ARFGEF3: variants seen among roughly 807,000 people sequenced by gnomAD.
ARFGEF3 encodes brefeldin A-inhibited guanine nucleotide-exchange protein 3.
ARFGEF3 carries 96 observed loss-of-function variants against 221.7 expected under a neutral mutation model. That is an observed-to-expected ratio of 0.43 (90% CI 0.37 to 0.51). ARFGEF3 has a LOEUF of 0.51. Ranked by LOEUF, ARFGEF3 falls within the 20% of genes least tolerant of loss-of-function variation. The pLI is 0.00. For missense variants in ARFGEF3, 2,410 were observed against 2,789.9 expected (o/e 0.86, Z 3.07); for synonymous variants, 1,145 against 1,126.8 (o/e 1.02, Z -0.32).
chr6:138,257,010 G>A (rs1421279978), intron 10 of ARFGEF3, among the ~76,000 whole-genome samples: 2 of 152,104 alleles, frequency 1.3e-5, no homozygotes, highest in African/African-American at 4.8e-5. Context: ...CTGAGCTCAA[G>A]CAATCCGCCC....
At chr6:138,258,627 T>C (rs544997937) in intron 10 of ARFGEF3, among the ~76,000 whole-genome samples, 7 of 152,370 alleles carry the variant, frequency 4.6e-5, no homozygotes, top group African/African-American at 1.7e-4. Context: ...CACAATAGAA[T>C]GGGGAACAAG....
intron 2 of ARFGEF3, among the ~76,000 whole-genome samples, chr6:138,172,536 G>A (rs980204064): frequency 1.3e-5 from 2 of 152,118 alleles, no homozygotes; most frequent in Non-Finnish European, 1.5e-5. Context: ...TATAAGGACC[G>A]GGAAACATAT....
At position 138,253,828 on chromosome 6, in the gene ARFGEF3, T is replaced by C. The variant is rs574374601; in HGVS notation, c.666-52T>C. On this transcript the variant is annotated intron_variant, in intron 8 of 33. Coordinates refer to ENST00000251691, the MANE Select transcript of ARFGEF3 (RefSeq NM_020340.5). ...AGCGTGTTTCCACACATCACCTCTTTAATTTTGCCTTGTCTTTTGTCTGCA... is the reference window on the plus strand; with the variant it reads ...AGCGTGTTTCCACACATCACCTCTTCAATTTTGCCTTGTCTTTTGTCTGCA... 23 of 1,420,526 alleles carry C rather than the reference T, an allele frequency of 1.6e-5. No homozygotes were observed. The African/African-American group carries it at 3.0e-4, about 18-fold the overall frequency. The allele number at this position is 1,420,526 out of a possible 1,614,324, so 88.0% of individuals were successfully genotyped here. A position where few individuals can be genotyped will look rare whatever the true frequency, so the allele number is the denominator to read the frequency against.
At chr6:138,269,235 C>G (rs1778951305) in intron 12 of ARFGEF3, among the ~76,000 whole-genome samples, 1 of 152,270 alleles carries the variant, frequency 6.6e-6, no homozygotes. Flanking sequence ...CTCTGCCTCA[C>G]CGCTTCTTCC....
In ARFGEF3 at chr6:138,265,528, T is replaced by G. The variant is rs184079187; in HGVS notation, c.2128+1917T>G. Among the ~76,000 whole-genome samples the G allele has an allele frequency of 2.0e-5, 3 of 152,176 alleles. No homozygotes were observed. In the South Asian group the frequency reaches 6.2e-4, roughly 31 times the overall value. ...GAAAATGTATACTCTTCCTAAAAAA[T>G]TATTTTTCTCCCTAAGATCTTTTAT... On this transcript the variant is annotated intron_variant, in intron 12 of 33. Transcript: ENST00000251691.
chr6:138,236,999 C>T (rs1583025941), intron 5 of ARFGEF3, among the ~76,000 whole-genome samples: 2 of 145,936 alleles, frequency 1.4e-5, no homozygotes, highest in Non-Finnish European at 1.5e-5. Context: ...AGAAGACTGC[C>T]TTTTTTTTTT....
chr6:138,254,918 G>A (rs2114576582), intron 9 of ARFGEF3, among the ~76,000 whole-genome samples: 1 of 152,182 alleles, frequency 6.6e-6, no homozygotes, highest in African/African-American at 2.4e-5. Context: ...TTATGCAGGG[G>A]GCAAGAGATA....
At chr6:138,220,411 A>G (rs117445635) in intron 4 of ARFGEF3, among the ~76,000 whole-genome samples, 1 of 152,148 alleles carries the variant, frequency 6.6e-6, no homozygotes, top group African/African-American at 2.4e-5. Flanking sequence ...CATAATTAAG[A>G]ATTTTTTATT....
intron 1 of ARFGEF3, among the ~76,000 whole-genome samples, chr6:138,166,071 G>A (rs1776716912): frequency 6.6e-6 from 1 of 152,196 alleles, no homozygotes; most frequent in African/African-American, 2.4e-5. Context: ...AAAAGCCAGG[G>A]GAATGGATAC....
intron 4 of ARFGEF3, chr6:138,218,020 A>G (rs1274756699): frequency 8.7e-6 from 14 of 1,612,516 alleles, no homozygotes; most frequent in Non-Finnish European, 1.1e-5. Flanking sequence ...GTTTTGGATA[A>G]GTAGAGAAGA....
intron 2 of ARFGEF3, among the ~76,000 whole-genome samples, chr6:138,205,282 A>AG (rs1399432566): frequency 6.6e-6 from 1 of 152,104 alleles, no homozygotes; most frequent in African/African-American, 2.4e-5. Flanking sequence ...CTGGGCTATT[A>AG]GGCTGTAAGA....
At chr6:138,255,790 G>A (rs759029007) in intron 10 of ARFGEF3, 21 bp downstream of exon 10, 97 of 1,490,816 alleles carry the variant, frequency 6.5e-5, no homozygotes, top group South Asian at 8.1e-5. Context: ...ACTGGAGATC[G>A]CCACCAGGTT....
At chr6:138,233,938 T>C (rs1778239786) in intron 5 of ARFGEF3, among the ~76,000 whole-genome samples, 2 of 152,086 alleles carry the variant, frequency 1.3e-5, no homozygotes, top group Non-Finnish European at 2.9e-5. Flanking sequence ...AGTGAGGAAA[T>C]TGCAGTTCAA....
At chr6:138,302,608 G>A (rs542739717) in intron 22 of ARFGEF3, among the ~76,000 whole-genome samples, 14 of 152,138 alleles carry the variant, frequency 9.2e-5, no homozygotes, top group African/African-American at 3.4e-4. Context: ...CAAAATGCTC[G>A]ATGACAATGA....
chr6:138,217,454 A>G (rs1777891722), intron 4 of ARFGEF3: 2 of 152,516 alleles, frequency 1.3e-5, no homozygotes, highest in African/African-American at 4.8e-5. Context: ...GAGGCCAATG[A>G]TAGAGTCAGA....
Position 138,328,065 on chromosome 6 carries a change from C to T in ARFGEF3, c.5046C>T (p.Asn1682=). The T allele has an allele frequency of 6.4e-7, 1 of 1,560,154 alleles. No homozygotes were observed. The highest frequency in any genetic ancestry group is 8.7e-7 in the Non-Finnish European group (1 of 1,150,996). Residue 1682 remains asparagine (N), a synonymous_variant, in exon 32 of 34, where the codon AAC becomes AAT. Transcript: ENST00000251691. The part of the protein sequence containing the change: ...DTQCSPKTPN[N]FDHAQSCQLI... ...AGTGCTCACCAAAGACACCAAACAA[C>T]TTTGACCACGCTCAGTCCTGCCAGC...
intron 4 of ARFGEF3, among the ~76,000 whole-genome samples, chr6:138,223,667 G>T (rs921329354): frequency 1.3e-5 from 2 of 152,144 alleles, no homozygotes; most frequent in African/African-American, 4.8e-5. Context: ...ATAGGGGTAG[G>T]TTGACTCCCC....
intron 4 of ARFGEF3, chr6:138,217,238 C>G (rs925772108): frequency 2.6e-5 from 4 of 152,192 alleles, no homozygotes; most frequent in African/African-American, 4.8e-5. Context: ...CTCACATAAT[C>G]TTAATTTAAG....
chr6:138,209,674 C>T (rs571026132), intron 3 of ARFGEF3, among the ~76,000 whole-genome samples: 2 of 152,194 alleles, frequency 1.3e-5, no homozygotes, highest in African/African-American at 4.8e-5. Flanking sequence ...GATCTCCAAC[C>T]CCTGACCTCA....
Sources: gnomAD v4.1 joint callset for allele counts (sites outside exome capture counted in the v4.1 genomes callset) on GRCh38, gnomAD v4.1.1 for gene constraint, MANE v1.5 for transcripts, NCBI Gene and HGNC (gene_info 2026-07-23, HGNC 2026-07-21) for gene names.